Variants in SDHC observed in about 807,000 individuals in gnomAD.
SDHC encodes the protein succinate dehydrogenase cytochrome b560 subunit, mitochondrial.
In SDHC, 11 loss-of-function variants were observed where a neutral mutation model predicts 22.6. The observed-to-expected ratio is 0.49, with a 90% CI of 0.31 to 0.81. The LOEUF (loss-of-function observed/expected upper bound fraction) is 0.81, where lower values mean the gene tolerates loss of function less well. SDHC is among the 30% of genes least tolerant of loss of function. The pLI is 0.05. For synonymous variants in SDHC, 80 were observed against 77.8 expected, an observed-to-expected ratio of 1.03 and a Z score of -0.15; for missense variants, 160 against 212.0, an observed-to-expected ratio of 0.75 and a Z score of 1.52.
intron 3 of SDHC, among the ~76,000 whole-genome samples, chr1:161,333,410 T>TC (rs1156798709): frequency 6.6e-6 from 1 of 151,466 alleles, no homozygotes; most frequent in African/African-American, 2.4e-5. Flanking sequence ...ACTTTTTTTT[T>TC]TTTTTTTTTT....
intron 5 of SDHC, 92 bp downstream of exon 5, chr1:161,356,932 CT>C (rs199612101): frequency 0.069 from 65,096 of 949,916 alleles, 1 homozygote; most frequent in Non-Finnish European, 0.073. Context: ...TAGTGCTGTT[CT>C]TTTTTTTTTT....
chr1:161,327,962 G>A (rs1426201548), intron 2 of SDHC, among the ~76,000 whole-genome samples: 3 of 150,664 alleles, frequency 2.0e-5, no homozygotes, highest in African/African-American at 4.9e-5. Context: ...GGCTCTCCTA[G>A]GCTCCTGCTT....
chr1:161,342,734 A>G (rs1172737887), intron 4 of SDHC, among the ~76,000 whole-genome samples: 4 of 152,168 alleles, frequency 2.6e-5, no homozygotes, highest in Admixed American at 2.0e-4. Context: ...ACCTCAGGTA[A>G]TCTGCCCGCC....
rs766486676 is a variant in SDHC, at chr1:161,323,671, G to GT, written c.77+2dup. 6.2e-7 allele frequency: 1 copy of GT among 1,607,394 alleles called. No homozygotes were observed. Among genetic ancestry groups the GT allele is most frequent in the Non-Finnish European group, 8.5e-7 (1 of 1,175,084 alleles). The stretch of plus-strand genomic sequence containing the variant: ...TTAGCCCTCAGCTCTGTATCAGAAA[G>GT]TAAGTTTCTAAGTCTGGAGATTATT... On this transcript the variant is annotated splice_donor_variant, in intron 2 of 5. Coordinates refer to ENST00000367975, the MANE Select transcript of SDHC (RefSeq NM_003001.5). LOFTEE classifies it high-confidence loss of function.
At chr1:161,327,863 A>ATTATT (rs1290998698) in intron 2 of SDHC, among the ~76,000 whole-genome samples, 1 of 151,742 alleles carries the variant, frequency 6.6e-6, no homozygotes, top group Non-Finnish European at 1.5e-5. Flanking sequence ...TGCGTGGCCT[A>ATTATT]TTATTTTATT....
chr1:161,355,737 G>A (rs1486893958), intron 4 of SDHC, among the ~76,000 whole-genome samples: 5 of 152,058 alleles, frequency 3.3e-5, no homozygotes, highest in African/African-American at 7.2e-5. Context: ...TAATCCCAGC[G>A]CTTTGGGAGG....
In SDHC at chr1:161,317,002, C is replaced by CT. The variant is rs201891189; in HGVS notation, c.20+2586dup. Among the ~76,000 whole-genome samples, 54 of 143,918 alleles carry CT rather than the reference C, an allele frequency of 3.8e-4. No individual in the cohort carries two copies. The East Asian group carries it at 0.01, about 27-fold the overall frequency. The allele number at this position is 143,918 out of a possible 152,430, so 94.4% of individuals were successfully genotyped here. On this transcript the variant is annotated intron_variant, in intron 1 of 5. Coordinates refer to ENST00000367975, the MANE Select transcript of SDHC (RefSeq NM_003001.5). ...CTTTTTGTTCTTTTTTTGGGGGTCTCTTTTTTTTTGGTTCTTTTTCTTTTT... is the reference window on the plus strand; with the variant it reads ...CTTTTTGTTCTTTTTTTGGGGGTCTCTTTTTTTTTTGGTTCTTTTTCTTTTT...
Position 161,348,912 on chromosome 1 carries a change from G to A in SDHC, c.242-7765G>A, listed in dbSNP as rs576432144. 1.5e-3 allele frequency among the ~76,000 whole-genome samples: 219 copies of A among 149,012 alleles called. 1 individual carries two copies. The highest frequency in any genetic ancestry group is 5.1e-3 in the African/African-American group (202 of 39,844). ...GTCTATTTGACTTTTTCCTATAAAA[G>A]TCTAGTTGAATTTAGGTACATGCCT... On this transcript the variant is annotated intron_variant, in intron 4 of 5. Coordinates refer to ENST00000367975, the MANE Select transcript of SDHC (RefSeq NM_003001.5).
chr1:161,362,244 T>C, intron 5 of SDHC, 85 bp from the exon 6 acceptor site: 2 of 1,470,304 alleles, frequency 1.4e-6, no homozygotes, highest in Admixed American at 1.9e-5. Context: ...TATCTATTCC[T>C]TTAGGTAGAA....
intron 4 of SDHC, among the ~76,000 whole-genome samples, chr1:161,340,946 C>T (rs536338996): frequency 3.9e-5 from 6 of 152,252 alleles, no homozygotes; most frequent in East Asian, 1.9e-4. Flanking sequence ...TGGGTTCCAG[C>T]GATTCTCCTG....
intron 4 of SDHC, among the ~76,000 whole-genome samples, chr1:161,349,119 A>G (rs541589966): frequency 1.3e-5 from 2 of 152,284 alleles, no homozygotes; most frequent in Admixed American, 1.3e-4. Context: ...TGAATTGTAC[A>G]ATTAGCTTGA....
chr1:161,354,071 G>A (rs192648135), intron 4 of SDHC, among the ~76,000 whole-genome samples: 4 of 151,992 alleles, frequency 2.6e-5, no homozygotes, highest in Non-Finnish European at 5.9e-5. Flanking sequence ...GGCTGGTCTT[G>A]AATTCCTGGG....
chr1:161,360,623 G>A (rs1672471802), intron 5 of SDHC, among the ~76,000 whole-genome samples: 1 of 151,672 alleles, frequency 6.6e-6, no homozygotes. Flanking sequence ...GCTCACACCT[G>A]TAATCTCAGC....
At chr1:161,326,318 A>G (rs1671046331) in intron 2 of SDHC, among the ~76,000 whole-genome samples, 1 of 152,004 alleles carries the variant, frequency 6.6e-6, no homozygotes, top group South Asian at 2.1e-4. Context: ...TTTTCCTAAT[A>G]CTGTGGGTTT....
chr1:161,348,450 C>T (rs775037995), intron 4 of SDHC, among the ~76,000 whole-genome samples: 2 of 151,688 alleles, frequency 1.3e-5, no homozygotes, highest in Non-Finnish European at 1.5e-5. Flanking sequence ...TGAGCTACTG[C>T]GCCTGGCCTG....
intron 5 of SDHC, among the ~76,000 whole-genome samples, chr1:161,361,796 TCATG>T (rs1672519497): frequency 7.5e-6 from 1 of 133,900 alleles, no homozygotes. Context: ...TGAGCTGAGA[TCATG>T]CCACTGCACT....
At chr1:161,324,139 G>C (rs909726892) in intron 2 of SDHC, among the ~76,000 whole-genome samples, 5 of 152,138 alleles carry the variant, frequency 3.3e-5, no homozygotes, top group African/African-American at 1.2e-4. Context: ...GTGTATGTGT[G>C]TTGTTTGTTT....
intron 3 of SDHC, among the ~76,000 whole-genome samples, chr1:161,336,965 G>A (rs1464374217): frequency 1.3e-5 from 2 of 151,946 alleles, no homozygotes; most frequent in Admixed American, 6.6e-5. Flanking sequence ...GACCTCCCGG[G>A]CTCAGGCAAT....
intron 4 of SDHC, among the ~76,000 whole-genome samples, chr1:161,348,822 A>G (rs1671998048): frequency 6.6e-6 from 1 of 151,012 alleles, no homozygotes; most frequent in East Asian, 2.0e-4. Flanking sequence ...TGGGTGACAG[A>G]GCGAGACTCT....
Sources: allele counts gnomAD v4.1 joint callset (sites outside exome capture counted in the v4.1 genomes callset), GRCh38; gene constraint gnomAD v4.1.1; transcripts MANE v1.5; gene names NCBI Gene and HGNC (gene_info 2026-07-23, HGNC 2026-07-21).